DENND4A: variants seen among roughly 807,000 people sequenced by gnomAD.
DENND4A encodes C-myc promoter-binding protein.
In DENND4A, 70 loss-of-function variants were observed where a neutral mutation model predicts 199.3. The ratio of observed to expected loss-of-function variants is 0.35; its 90% CI spans 0.29 to 0.43. The LOEUF is 0.43. DENND4A is among the 20% of genes least tolerant of loss of function. DENND4A has a pLI of 1.00. For synonymous variants in DENND4A, 686 were observed against 766.9 expected, an observed-to-expected ratio of 0.89 and a Z score of 1.74; for missense variants, 1,723 against 2,255.8, an observed-to-expected ratio of 0.76 and a Z score of 4.78.
intron 7 of DENND4A, 54 bp downstream of exon 7, chr15:65,737,653 T>C (rs2076152590): frequency 6.7e-7 from 1 of 1,501,296 alleles, no homozygotes; most frequent in Non-Finnish European, 8.9e-7. Flanking sequence ...CGACACAAAT[T>C]TGCCACATAA....
intron 1 of DENND4A, among the ~76,000 whole-genome samples, chr15:65,772,390 C>T (rs550141180): frequency 8.4e-4 from 127 of 151,978 alleles, no homozygotes; most frequent in Middle Eastern, 3.4e-3. Flanking sequence ...GCTGGATGTC[C>T]GAACCAATCA....
chr15:65,686,174 T>C (rs1325752329), intron 23 of DENND4A, among the ~76,000 whole-genome samples: 1 of 152,190 alleles, frequency 6.6e-6, no homozygotes, highest in Non-Finnish European at 1.5e-5. Flanking sequence ...TGTCTCTCCA[T>C]TTATTTAAAT....
intron 1 of DENND4A, chr15:65,766,634 C>T (rs1461310552): frequency 6.6e-6 from 1 of 152,128 alleles, no homozygotes; most frequent in Non-Finnish European, 1.5e-5. Context: ...ACAGGTGGTC[C>T]TGGAACTGGT....
Position 65,763,996 on chromosome 15 carries a change from A to G in DENND4A, c.-101-2558T>C, listed in dbSNP as rs2076919786. Among the ~76,000 whole-genome samples the G allele has an allele frequency of 5.9e-5, 9 of 152,340 alleles. No individual in the cohort carries two copies. In the South Asian group the frequency reaches 1.9e-3, roughly 32 times the overall value. ...TCAGTTGTCACAAAAATTTCTAGTA[A>G]AAATACTGTATGTATATAGAAATAC... is the stretch of plus-strand genomic sequence containing the variant. On this transcript the variant is annotated intron_variant, in intron 1 of 32. Transcript: ENST00000443035.
chr15:65,760,655 G>A (rs1011187838), intron 2 of DENND4A, among the ~76,000 whole-genome samples: 90 of 151,982 alleles, frequency 5.9e-4, no homozygotes, highest in African/African-American at 2.1e-3. Context: ...TTTGGAGGCC[G>A]AGATGGGCAG....
At chr15:65,777,267 C>T (rs1387597548) in intron 1 of DENND4A, among the ~76,000 whole-genome samples, 5 of 152,132 alleles carry the variant, frequency 3.3e-5, no homozygotes, top group Admixed American at 2.6e-4. Flanking sequence ...CTTCTATCAT[C>T]GGGTACTGTG....
Position 65,733,809 on chromosome 15 carries a change from T to C in DENND4A, c.1041-991A>G, listed in dbSNP as rs534183405. Among the ~76,000 whole-genome samples the C allele has an allele frequency of 1.1e-4, 17 of 152,316 alleles. No individual in the cohort carries two copies. The South Asian group carries it at 3.3e-3, about 30-fold the overall frequency. On this transcript the variant is annotated intron_variant, in intron 7 of 32. Coordinates refer to ENST00000443035, the MANE Select transcript of DENND4A (RefSeq NM_001320835.1). ...CCCCAACGCCGTGCTCTCTGAAACA[T>C]GTGCTGTGTCAAACTCAGGGTTAAA...
intron 1 of DENND4A, among the ~76,000 whole-genome samples, chr15:65,779,921 G>T (rs1428665972): frequency 6.6e-6 from 1 of 151,714 alleles, no homozygotes; most frequent in Admixed American, 6.6e-5. Flanking sequence ...ATTTATTTTT[G>T]GAGAAATGGG....
intron 5 of DENND4A, among the ~76,000 whole-genome samples, chr15:65,739,138 T>C (rs2076185029): frequency 1.3e-5 from 2 of 152,206 alleles, no homozygotes; most frequent in South Asian, 2.1e-4. Flanking sequence ...AGATATCCTA[T>C]AGAAATGCAC....
intron 23 of DENND4A, among the ~76,000 whole-genome samples, chr15:65,685,118 C>G (rs2076718855): frequency 6.6e-6 from 1 of 151,654 alleles, no homozygotes; most frequent in African/African-American, 2.4e-5. Context: ...TGAGCCACCA[C>G]GCCCCGCCCA....
intron 4 of DENND4A, among the ~76,000 whole-genome samples, chr15:65,742,444 T>G (rs530821702): frequency 7.3e-5 from 11 of 150,494 alleles, no homozygotes; most frequent in Admixed American, 1.3e-4. Context: ...CCACCATGAC[T>G]GGCTGATTTT....
chr15:65,775,334 A>G (rs1382062678), intron 1 of DENND4A, among the ~76,000 whole-genome samples: 1 of 150,074 alleles, frequency 6.7e-6, no homozygotes. Flanking sequence ...GGACAGAGCC[A>G]CACCCTGCCT....
intron 15 of DENND4A, among the ~76,000 whole-genome samples, chr15:65,705,729 T>A (rs2075026799): frequency 6.6e-6 from 1 of 152,088 alleles, no homozygotes; most frequent in Non-Finnish European, 1.5e-5. Flanking sequence ...TTAATCAATC[T>A]GTGTATGAGA....
At chr15:65,667,308 G>A in intron 29 of DENND4A, 141 bp downstream of exon 29, 14 of 1,048,800 alleles carry the variant, frequency 1.3e-5, no homozygotes, top group South Asian at 1.7e-5. Context: ...CCAGCCTGGC[G>A]AAAGAGTGAG....
intron 8 of DENND4A, 36 bp downstream of exon 8, chr15:65,732,716 T>G (rs1343073109): frequency 7.6e-7 from 1 of 1,311,056 alleles, no homozygotes; most frequent in Non-Finnish European, 1.1e-6. Flanking sequence ...CAATAACAAC[T>G]CATAGGTCCC....
intron 8 of DENND4A, 85 bp downstream of exon 8, chr15:65,732,667 A>T (rs918583658): frequency 2.2e-5 from 18 of 811,174 alleles, no homozygotes; most frequent in Non-Finnish European, 3.0e-5. Flanking sequence ...TTTTTTCCTC[A>T]TTCAGAATTG....
At position 65,729,061 on chromosome 15, in the gene DENND4A, A is replaced by C; in HGVS notation, c.1487+11T>G. On this transcript the variant is annotated intron_variant, in intron 11 of 32. Coordinates refer to ENST00000443035, the MANE Select transcript of DENND4A (RefSeq NM_001320835.1). The stretch of plus-strand genomic sequence containing the variant: ...TAAAATATACATGTAGAATCACTAA[A>C]ATGTACTTACTGAGAAATAGTGTTG... 6.4e-7 allele frequency: 1 copy of C among 1,568,450 alleles called. No homozygotes were observed. The highest frequency in any genetic ancestry group is 8.7e-7 in the Non-Finnish European group (1 of 1,154,106).
At chr15:65,771,983 C>A in intron 1 of DENND4A, 1 of 1,514,906 alleles carries the variant, frequency 6.6e-7, no homozygotes, top group Non-Finnish European at 9.1e-7. Flanking sequence ...CCAAGTACTT[C>A]ATAGTAATTT....
intron 1 of DENND4A, among the ~76,000 whole-genome samples, chr15:65,780,979 A>T (rs1405191226): frequency 6.6e-6 from 1 of 152,200 alleles, no homozygotes; most frequent in Non-Finnish European, 1.5e-5. Flanking sequence ...CCAATAGATT[A>T]TTCTGGGAGG....
Sources: allele counts gnomAD v4.1 joint callset (sites outside exome capture counted in the v4.1 genomes callset), GRCh38; gene constraint gnomAD v4.1.1; transcripts MANE v1.5; gene names NCBI Gene and HGNC (gene_info 2026-07-23, HGNC 2026-07-21).